DENND4C: variants seen among roughly 807,000 people sequenced by gnomAD.
DENND4C encodes DENN domain-containing protein 4C.
A neutral mutation model predicts 203.0 loss-of-function variants in DENND4C; 108 were observed. The ratio of observed to expected loss-of-function variants is 0.53; its 90% CI spans 0.46 to 0.62. The LOEUF is 0.62. DENND4C is among the 20% of genes least tolerant of loss of function. The pLI, the probability that DENND4C is intolerant of heterozygous loss-of-function variation, is 0.00. For missense variants in DENND4C, 2,481 were observed against 2,301.2 expected (o/e 1.08, Z -1.60); for synonymous variants, 871 against 792.4 (o/e 1.10, Z -1.67).
Position 19,372,431 on chromosome 9 carries a change from G to T in DENND4C, c.*258G>T, listed in dbSNP as rs1829000790. On this transcript the variant is annotated 3_prime_UTR_variant, in exon 33 of 33. Coordinates refer to ENST00000434457, the MANE Select transcript of DENND4C (RefSeq NM_001330640.2). ...TCTGCCTCTGTGGAAAACTACTTTG[G>T]GATTCTTCAGTATTTGTAGTAGTTT... is the stretch of plus-strand genomic sequence containing the variant. 2.9e-6 allele frequency: 1 copy of T among 342,594 alleles called. No individual in the cohort carries two copies. The highest frequency in any genetic ancestry group is 5.2e-6 in the Non-Finnish European group (1 of 191,132). The allele number at this position is 342,594 out of a possible 1,614,324, so 21.2% of individuals were successfully genotyped here.
At position 19,346,544 on chromosome 9, in the gene DENND4C, G is replaced by C; in HGVS notation, c.3775G>C (p.Glu1259Gln). 2 of 1,614,136 alleles carry C rather than the reference G, an allele frequency of 1.2e-6. No homozygotes were observed. Among genetic ancestry groups the C allele is most frequent in the Non-Finnish European group, 1.7e-6 (2 of 1,180,030 alleles). Residue 1259 changes from glutamate (E) to glutamine (Q), a missense_variant, in exon 23 of 33, where the codon GAA becomes CAA. This residue lies in a region of DENND4C where 2,289 missense variants were observed against 2,113.3 expected (regional missense o/e 1.08). Transcript: ENST00000434457. ...GLDPLSLLAT[E>Q]CTGGKTPDSE... ...AGATCCTTTGTCTCTTTTAGCCACT[G>C]AATGTACAGGAGGAAAAACTCCTGA...
chr9:19,343,703 A>C (rs548250170), intron 22 of DENND4C, among the ~76,000 whole-genome samples: 2 of 152,332 alleles, frequency 1.3e-5, no homozygotes, highest in Non-Finnish European at 2.9e-5. Context: ...GATAGCAGAG[A>C]TACTGGGGAA....
At position 19,330,582 on chromosome 9, in the gene DENND4C, C is replaced by A. The variant is rs192732849; in HGVS notation, c.2254-1396C>A. On this transcript the variant is annotated intron_variant, in intron 16 of 32. Coordinates refer to ENST00000434457, the MANE Select transcript of DENND4C (RefSeq NM_001330640.2). ...CTCGATCTCTTGACCTTGTGATCCA[C>A]CTGCCTCGGCCTCCCAAAGTGCTGG... Among the ~76,000 whole-genome samples, 397 of 151,970 alleles carry A rather than the reference C, an allele frequency of 2.6e-3. 3 individuals carry two copies. Among genetic ancestry groups the A allele is most frequent in the Non-Finnish European group, 4.8e-3 (327 of 67,958 alleles).
Position 19,316,440 on chromosome 9 carries a change from A to T in DENND4C, c.1511A>T (p.Asn504Ile). The T allele has an allele frequency of 6.2e-7, 1 of 1,613,750 alleles. No homozygotes were observed. Among genetic ancestry groups the T allele is most frequent in the East Asian group, 2.2e-5 (1 of 44,838 alleles). Residue 504 changes from asparagine (N) to isoleucine (I), a missense_variant, in exon 11 of 33, where the codon AAC becomes ATC. This residue lies in a region of DENND4C where 2,289 missense variants were observed against 2,113.3 expected (regional missense o/e 1.08). Coordinates refer to ENST00000434457, the MANE Select transcript of DENND4C (RefSeq NM_001330640.2). Reference protein sequence around the residue: ...LYVSDEKKNMNWKQLPKKPCK... With the variant: ...LYVSDEKKNMIWKQLPKKPCK... The stretch of plus-strand genomic sequence containing the variant: ...AGATCAGATGAAAAGAAGAACATGA[A>T]CTGGAAGCAACTTCCCAAAAAGCCG...
chr9:19,341,222 G>T, intron 21 of DENND4C, 108 bp downstream of exon 21: 1 of 938,556 alleles, frequency 1.1e-6, no homozygotes, highest in Non-Finnish European at 1.5e-6. Context: ...CAAATGTAAG[G>T]TCTGGCTCCT....
chr9:19,259,839 G>A (rs1039367181), intron 1 of DENND4C, among the ~76,000 whole-genome samples: 1 of 152,128 alleles, frequency 6.6e-6, no homozygotes, highest in Non-Finnish European at 1.5e-5. Context: ...TTTGTCTGTT[G>A]TTGAATAACT....
At chr9:19,244,887 A>C (rs1824759257) in intron 1 of DENND4C, among the ~76,000 whole-genome samples, 2 of 152,156 alleles carry the variant, frequency 1.3e-5, no homozygotes, top group Non-Finnish European at 2.9e-5. Context: ...GACCTCCCTT[A>C]CTGGGTTGTT....
At chr9:19,232,861 C>G (rs1426397333) in intron 1 of DENND4C, among the ~76,000 whole-genome samples, 1 of 152,022 alleles carries the variant, frequency 6.6e-6, no homozygotes, top group African/African-American at 2.4e-5. Context: ...TAAATAATAA[C>G]TCAATAAGGC....
intron 1 of DENND4C, among the ~76,000 whole-genome samples, chr9:19,233,218 A>G (rs1183768331): frequency 2.0e-5 from 3 of 151,112 alleles, no homozygotes; most frequent in African/African-American, 7.3e-5. Flanking sequence ...TGTTTGCTGA[A>G]TAGCAAGGGC....
chr9:19,369,596 A>G (rs143226711), intron 30 of DENND4C, among the ~76,000 whole-genome samples: 5 of 151,982 alleles, frequency 3.3e-5, no homozygotes, highest in East Asian at 3.9e-4. Context: ...GTGAGACCCT[A>G]TCTCTACAAA....
chr9:19,233,068 G>C (rs1361385659), intron 1 of DENND4C, among the ~76,000 whole-genome samples: 2 of 151,810 alleles, frequency 1.3e-5, no homozygotes, highest in African/African-American at 4.8e-5. Flanking sequence ...TTGAAAGCTA[G>C]GTTTCAGTCA....
intron 10 of DENND4C, among the ~76,000 whole-genome samples, chr9:19,306,791 ATTTT>A (rs1162957632): frequency 2.1e-5 from 3 of 141,044 alleles, no homozygotes; most frequent in Non-Finnish European, 3.1e-5. Context: ...TTATTTATTT[ATTTT>A]GAGACAGAGT....
At chr9:19,240,840 G>A (rs1453209098) in intron 1 of DENND4C, among the ~76,000 whole-genome samples, 5 of 151,844 alleles carry the variant, frequency 3.3e-5, no homozygotes, top group African/African-American at 1.2e-4. Flanking sequence ...GGTGGTGGAC[G>A]CCTGTAATCC....
intron 32 of DENND4C, 56 bp from the exon 33 acceptor site, chr9:19,371,980 GA>G: frequency 6.4e-7 from 1 of 1,554,310 alleles, no homozygotes; most frequent in East Asian, 2.3e-5. Flanking sequence ...AATTTGAAAT[GA>G]ACGGCTGTTG....
intron 4 of DENND4C, among the ~76,000 whole-genome samples, chr9:19,290,396 A>G (rs920611578): frequency 1.3e-5 from 2 of 152,172 alleles, no homozygotes; most frequent in Admixed American, 6.5e-5. Flanking sequence ...GTTTCTTACC[A>G]TTTTCCACAA....
Position 19,326,050 on chromosome 9 carries a change from A to T in DENND4C, c.1990-14A>T, listed in dbSNP as rs1186523474. On this transcript the variant is annotated splice_polypyrimidine_tract_variant and intron_variant, in intron 14 of 32. Transcript: ENST00000434457. Reference sequence around the variant, plus strand: ...TTGTATGCAAATTAATTGGGGAAAAATAATGATTTTCAGGTTGATTTTGAT... The same window carrying T: ...TTGTATGCAAATTAATTGGGGAAAATTAATGATTTTCAGGTTGATTTTGAT... 3 of 1,606,872 alleles carry T rather than the reference A, an allele frequency of 1.9e-6. No homozygotes were observed. Among genetic ancestry groups the T allele is most frequent in the Non-Finnish European group, 2.5e-6 (3 of 1,177,870 alleles).
intron 1 of DENND4C, among the ~76,000 whole-genome samples, chr9:19,244,130 A>C (rs1376562396): frequency 6.6e-6 from 1 of 151,590 alleles, no homozygotes; most frequent in African/African-American, 2.4e-5. Context: ...TCCCGGGTTT[A>C]AGCGATTCTC....
intron 2 of DENND4C, among the ~76,000 whole-genome samples, chr9:19,281,801 T>G (rs1489972011): frequency 6.6e-6 from 1 of 152,246 alleles, no homozygotes; most frequent in Non-Finnish European, 1.5e-5. Context: ...TATAGCCTAT[T>G]TTTCTTAGGC....
chr9:19,259,505 CT>C (rs1021585159), intron 1 of DENND4C, among the ~76,000 whole-genome samples: 3,005 of 131,372 alleles, frequency 0.023, 22 homozygotes, highest in African/African-American at 0.025. Flanking sequence ...TTTCTTTTTT[CT>C]TTTTTTTTTT....
Sources: gnomAD v4.1 joint callset for allele counts (sites outside exome capture counted in the v4.1 genomes callset) on GRCh38, gnomAD v4.1.1 for gene constraint, gnomAD v4.1.1 regional missense constraint, MANE v1.5 for transcripts, NCBI Gene and HGNC (gene_info 2026-07-23, HGNC 2026-07-21) for gene names.